The following COMMD10 variants were observed in gnomAD, a reference collection of about 807,000 sequenced individuals.
COMMD10 encodes the protein COMM domain-containing protein 10.
In COMMD10, 33 loss-of-function variants were observed where a neutral mutation model predicts 28.9. The observed-to-expected ratio is 1.14, with a 90% CI of 0.87 to 1.53. The LOEUF is 1.53. COMMD10 is among the 40% of genes most tolerant of loss of function. COMMD10 has a pLI of 0.00. For synonymous variants in COMMD10, 110 were observed against 81.7 expected (o/e 1.35, Z -1.87); for missense variants, 310 against 233.4 (o/e 1.33, Z -2.14).
intron 5 of COMMD10, among the ~76,000 whole-genome samples, chr5:116,199,257 T>A (rs552103206): frequency 6.6e-6 from 1 of 152,120 alleles, no homozygotes; most frequent in Non-Finnish European, 1.5e-5. Flanking sequence ...CTGTGTAACT[T>A]CTTTGATGAG....
chr5:116,218,607 G>T (rs1400103561), intron 5 of COMMD10, among the ~76,000 whole-genome samples: 4 of 152,056 alleles, frequency 2.6e-5, no homozygotes, highest in Non-Finnish European at 5.9e-5. Flanking sequence ...CAGGTATATG[G>T]GGTAGTGGTA....
At chr5:116,166,997 A>C (rs1753142309) in intron 5 of COMMD10, among the ~76,000 whole-genome samples, 1 of 152,062 alleles carries the variant, frequency 6.6e-6, no homozygotes. Flanking sequence ...TTGGAGAATG[A>C]GTTTGACGAA....
In COMMD10 at chr5:116,256,584, G is replaced by C. The variant is rs78294021; in HGVS notation, c.511-34933G>C. 1.0e-3 allele frequency among the ~76,000 whole-genome samples: 155 copies of C among 151,796 alleles called. 1 individual carries two copies. The highest frequency in any genetic ancestry group is 1.7e-3 in the Admixed American group (26 of 15,216). On this transcript the variant is annotated intron_variant, in intron 5 of 6. Transcript: ENST00000274458. ...TGGCATTTGAAACAGTATACAGGTT[G>C]AGTATTCCTTATCCAAAATGGTTGG...
intron 5 of COMMD10, among the ~76,000 whole-genome samples, chr5:116,267,695 A>G (rs1352059868): frequency 6.6e-6 from 1 of 151,948 alleles, no homozygotes; most frequent in Admixed American, 6.6e-5. Flanking sequence ...CTGACTTCAG[A>G]CTATACTACA....
chr5:116,233,800 G>A (rs753199477), intron 5 of COMMD10, among the ~76,000 whole-genome samples: 11 of 152,142 alleles, frequency 7.2e-5, no homozygotes, highest in Admixed American at 1.3e-4. Flanking sequence ...GATTGGAAGA[G>A]GAGAGGTGAG....
intron 5 of COMMD10, among the ~76,000 whole-genome samples, chr5:116,260,449 T>A (rs546485709): frequency 1.3e-5 from 2 of 151,854 alleles, no homozygotes; most frequent in South Asian, 4.1e-4. Context: ...TTTTGACATA[T>A]TCAGTGTGGA....
intron 5 of COMMD10, among the ~76,000 whole-genome samples, chr5:116,220,370 A>G (rs1017294995): frequency 1.3e-5 from 2 of 152,144 alleles, no homozygotes; most frequent in South Asian, 4.1e-4. Context: ...AGAGAATGTC[A>G]CAGTAGATGA....
intron 5 of COMMD10, among the ~76,000 whole-genome samples, chr5:116,177,352 A>G (rs931275936): frequency 2.0e-5 from 3 of 152,146 alleles, no homozygotes; most frequent in Non-Finnish European, 2.9e-5. Flanking sequence ...CTTTGCATTA[A>G]TATCTTTTCA....
rs565664667 is a variant in COMMD10, at chr5:116,227,633, A to G, written c.511-63884A>G. 9.9e-5 allele frequency among the ~76,000 whole-genome samples: 15 copies of G among 152,150 alleles called. No homozygotes were observed. The East Asian group carries it at 2.7e-3, about 27-fold the overall frequency. The stretch of plus-strand genomic sequence containing the variant: ...AATACTAAGGCTGCCCACTTAGGTG[A>G]TTTTATTCTTATTATCTTCATTTTC... On this transcript the variant is annotated intron_variant, in intron 5 of 6. Coordinates refer to ENST00000274458, the MANE Select transcript of COMMD10 (RefSeq NM_016144.4).
chr5:116,215,971 G>A (rs993607753), intron 5 of COMMD10, among the ~76,000 whole-genome samples: 1 of 151,830 alleles, frequency 6.6e-6, no homozygotes, highest in Non-Finnish European at 1.5e-5. Context: ...GGTCAAAATA[G>A]AAAAGCTATT....
intron 4 of COMMD10, among the ~76,000 whole-genome samples, chr5:116,130,243 C>T (rs934392730): frequency 4.0e-5 from 6 of 151,792 alleles, no homozygotes; most frequent in Non-Finnish European, 5.9e-5. Flanking sequence ...CCGGGTATAG[C>T]ACTGATAAAA....
intron 5 of COMMD10, among the ~76,000 whole-genome samples, chr5:116,232,420 TA>T (rs1348447266): frequency 6.6e-6 from 1 of 151,562 alleles, no homozygotes; most frequent in Non-Finnish European, 1.5e-5. Flanking sequence ...CAAGATAGGA[TA>T]AATTCAATCC....
chr5:116,215,147 T>C (rs1414323613), intron 5 of COMMD10, among the ~76,000 whole-genome samples: 1 of 152,066 alleles, frequency 6.6e-6, no homozygotes, highest in Non-Finnish European at 1.5e-5. Context: ...ACTTTTGGTA[T>C]CTCTCATTTT....
chr5:116,134,707 G>A (rs376149058), intron 5 of COMMD10, among the ~76,000 whole-genome samples: 5 of 152,148 alleles, frequency 3.3e-5, no homozygotes, highest in African/African-American at 7.2e-5. Flanking sequence ...TGCAGGCTCC[G>A]CCCCCTGGGG....
chr5:116,166,116 T>G (rs139351843), intron 5 of COMMD10, among the ~76,000 whole-genome samples: 1 of 150,900 alleles, frequency 6.6e-6, no homozygotes, highest in African/African-American at 2.4e-5. Flanking sequence ...TTCTATAGTT[T>G]TAGTCCTTGG....
intron 5 of COMMD10, among the ~76,000 whole-genome samples, chr5:116,275,064 C>T (rs1561404412): frequency 6.6e-6 from 1 of 151,786 alleles, no homozygotes. Context: ...GATTACTTCC[C>T]TCAACCCCCA....
chr5:116,292,396 T>TA lies in COMMD10; in HGVS notation c.571-54dup, dbSNP rs1224382146. The TA allele has an allele frequency of 2.4e-6, 3 of 1,235,148 alleles. No individual in the cohort carries two copies. In the African/African-American group the frequency reaches 4.6e-5, roughly 19 times the overall value. 76.5% of individuals were successfully genotyped at this position (1,235,148 alleles called of 1,614,324 possible). ...TTGCATGTGTCTGAATAACACTTGA[T>TA]ATGAGTTTCGTTCCCTTCACTAACG... On this transcript the variant is annotated intron_variant, in intron 6 of 6. Coordinates refer to ENST00000274458, the MANE Select transcript of COMMD10 (RefSeq NM_016144.4).
intron 4 of COMMD10, among the ~76,000 whole-genome samples, chr5:116,115,645 A>G (rs1047923264): frequency 2.6e-5 from 4 of 152,204 alleles, no homozygotes; most frequent in African/African-American, 9.6e-5. Flanking sequence ...AATTCTTTTC[A>G]GACAGAAATT....
chr5:116,206,000 A>G (rs1748803005), intron 5 of COMMD10, among the ~76,000 whole-genome samples: 1 of 152,180 alleles, frequency 6.6e-6, no homozygotes, highest in South Asian at 2.1e-4. Context: ...TGGAAGTAAA[A>G]GGGCACTTGA....
Sources: allele counts gnomAD v4.1 joint callset (sites outside exome capture counted in the v4.1 genomes callset), GRCh38; gene constraint gnomAD v4.1.1; transcripts MANE v1.5; gene names NCBI Gene and HGNC (gene_info 2026-07-23, HGNC 2026-07-21).